FLT1: variants seen among roughly 807,000 people sequenced by gnomAD.
The protein encoded by FLT1 is fms related receptor tyrosine kinase 1.
Under a neutral mutation model 156.3 loss-of-function variants are expected in FLT1, and 49 were observed. The ratio of observed to expected loss-of-function variants is 0.31; its 90% CI spans 0.25 to 0.40. The LOEUF (loss-of-function observed/expected upper bound fraction) is 0.40. Ranked by LOEUF, FLT1 falls within the 10% of genes least tolerant of loss-of-function variation. FLT1 has a pLI of 1.00. For synonymous variants in FLT1, 594 were observed against 583.8 expected (o/e 1.02, Z -0.25); for missense variants, 1,322 against 1,637.2 (o/e 0.81, Z 3.32).
chr13:28,363,836 G>A (rs1000454322), intron 14 of FLT1, among the ~76,000 whole-genome samples: 6 of 152,140 alleles, frequency 3.9e-5, no homozygotes, highest in African/African-American at 1.4e-4. Context: ...TTGAACTCCT[G>A]ACCTCAAGCG....
At chr13:28,333,805 A>G (rs971716341) in intron 18 of FLT1, among the ~76,000 whole-genome samples, 9 of 152,306 alleles carry the variant, frequency 5.9e-5, no homozygotes, top group Admixed American at 5.9e-4. Flanking sequence ...TCATTTTCCT[A>G]TGGACAGTGC....
intron 14 of FLT1, among the ~76,000 whole-genome samples, chr13:28,374,702 AC>A (rs1873767901): frequency 6.6e-6 from 1 of 151,936 alleles, no homozygotes. Context: ...TTTAGTAGAG[AC>A]AGGGTTTCAC....
At chr13:28,409,925 T>G (rs1466024626) in intron 10 of FLT1, among the ~76,000 whole-genome samples, 1 of 152,032 alleles carries the variant, frequency 6.6e-6, no homozygotes. Context: ...GCTAAACATC[T>G]CTCATCTCAC....
chr13:28,342,352 T>G (rs1872371788), intron 16 of FLT1, among the ~76,000 whole-genome samples: 1 of 152,202 alleles, frequency 6.6e-6, no homozygotes, highest in Admixed American at 6.5e-5. Flanking sequence ...TTTTCTCCCC[T>G]TCTCCTCCTT....
chr13:28,386,953 A>T (rs1874402409), intron 13 of FLT1: 1 of 1,043,954 alleles, frequency 9.6e-7, no homozygotes, highest in South Asian at 4.6e-5. Context: ...TCGGTCTTGT[A>T]AAAAGGAAGT....
At chr13:28,429,949 C>T (rs536201938) in intron 8 of FLT1, 101 bp downstream of exon 8, 42 of 848,300 alleles carry the variant, frequency 5.0e-5, no homozygotes, top group South Asian at 4.4e-4. Flanking sequence ...GTCTGAGGAA[C>T]GTCTCTTGGT....
At chr13:28,347,133 A>C (rs541156630) in intron 15 of FLT1, among the ~76,000 whole-genome samples, 2 of 152,338 alleles carry the variant, frequency 1.3e-5, no homozygotes, top group Admixed American at 1.3e-4. Flanking sequence ...GTAATCTAAT[A>C]ATACTTTTTT....
chr13:28,457,933 C>CTTTCT (rs1184917237), intron 3 of FLT1, among the ~76,000 whole-genome samples: 7 of 114,176 alleles, frequency 6.1e-5, no homozygotes, highest in East Asian at 2.4e-4. Flanking sequence ...CTTTCCTTTT[C>CTTTCT]TTTTTTTTTT....
At chr13:28,367,501 G>A (rs1042720248) in intron 14 of FLT1, among the ~76,000 whole-genome samples, 2 of 152,162 alleles carry the variant, frequency 1.3e-5, no homozygotes, top group Admixed American at 6.5e-5. Context: ...ATTTTCAAGG[G>A]ACTCTGTAGA....
chr13:28,387,831 C>T lies in FLT1; in HGVS notation c.1969+1965G>A, dbSNP rs188173472. 71 of 966,938 alleles carry T rather than the reference C, an allele frequency of 7.3e-5. No individual in the cohort carries two copies. The East Asian group carries it at 1.1e-3, about 15-fold the overall frequency. 59.9% of individuals were successfully genotyped at this position (966,938 alleles called of 1,614,324 possible). A position where few individuals can be genotyped will look rare whatever the true frequency, so the allele number is the denominator to read the frequency against. ...TTTAAAAAAAAAAAAAAAGACTCTC[C>T]GGAAGGATTAATTACACAGTGAACA... On this transcript the variant is annotated intron_variant, in intron 13 of 29. Coordinates refer to ENST00000282397, the MANE Select transcript of FLT1 (RefSeq NM_002019.4).
intron 3 of FLT1, among the ~76,000 whole-genome samples, chr13:28,449,250 G>A (rs1343122054): frequency 1.3e-5 from 2 of 152,132 alleles, no homozygotes; most frequent in Non-Finnish European, 2.9e-5. Context: ...TGGCCTGGGC[G>A]ACAGAGCAAG....
At chr13:28,412,356 C>CTTTCTT (rs1566012976) in intron 10 of FLT1, among the ~76,000 whole-genome samples, 1 of 106,360 alleles carries the variant, frequency 9.4e-6, no homozygotes, top group Non-Finnish European at 2.0e-5. Flanking sequence ...CTTTCTCTTT[C>CTTTCTT]TTTCTTTCTT....
In FLT1 at chr13:28,309,830, C is replaced by T. The variant is rs377533961; in HGVS notation, c.3636-903G>A. On this transcript the variant is annotated intron_variant, in intron 27 of 29. Transcript: ENST00000282397. Reference sequence around the variant, plus strand: ...TCCATCACCACAAGTCTGGATTTGCCCACTGGGTTTCTTTGAGGCCTGTCA... The same window carrying T: ...TCCATCACCACAAGTCTGGATTTGCTCACTGGGTTTCTTTGAGGCCTGTCA... Among the ~76,000 whole-genome samples, 33 of 152,032 alleles carry T rather than the reference C, an allele frequency of 2.2e-4. No homozygotes were observed. The South Asian group carries it at 6.9e-3, about 32-fold the overall frequency.
chr13:28,473,831 A>AAGGAAGGAAGG (rs1566050975), intron 1 of FLT1, among the ~76,000 whole-genome samples: 1 of 115,170 alleles, frequency 8.7e-6, no homozygotes, highest in Non-Finnish European at 1.7e-5. Context: ...AGAAAGAAAG[A>AAGGAAGGAAGG]AAGAAAGGAA....
rs187193342 is a variant in FLT1 at position 28,362,644 on chromosome 13, C to T, written c.2117-4959G>A. 2.0e-5 allele frequency among the ~76,000 whole-genome samples: 3 copies of T among 152,230 alleles called. No homozygotes were observed. In the East Asian group the frequency reaches 5.8e-4, roughly 29 times the overall value. ...GACCAGCCTGGGCAACATAATGAGA[C>T]TCCATCTCCACTAAAACTTGGAAAA... is the stretch of plus-strand genomic sequence containing the variant. On this transcript the variant is annotated intron_variant, in intron 14 of 29. Coordinates refer to ENST00000282397, the MANE Select transcript of FLT1 (RefSeq NM_002019.4).
intron 10 of FLT1, among the ~76,000 whole-genome samples, chr13:28,408,338 G>A (rs1320235775): frequency 6.6e-6 from 1 of 152,166 alleles, no homozygotes; most frequent in African/African-American, 2.4e-5. Context: ...CAGTTACTAA[G>A]GGCACAAGCC....
At chr13:28,477,280 T>C (rs1286405456) in intron 1 of FLT1, among the ~76,000 whole-genome samples, 2 of 152,316 alleles carry the variant, frequency 1.3e-5, no homozygotes, top group African/African-American at 4.8e-5. Flanking sequence ...CAATGACCTA[T>C]AGCCATGCAC....
chr13:28,468,052 G>T (rs1879947996), intron 1 of FLT1, among the ~76,000 whole-genome samples: 1 of 152,084 alleles, frequency 6.6e-6, no homozygotes, highest in Admixed American at 6.6e-5. Context: ...AGTCCTATAG[G>T]CCTGTCTCAT....
chr13:28,457,819 A>C (rs1879345767), intron 3 of FLT1, among the ~76,000 whole-genome samples: 1 of 152,134 alleles, frequency 6.6e-6, no homozygotes, highest in Non-Finnish European at 1.5e-5. Context: ...AGTTTTGATC[A>C]ATTGTTTTTC....
Sources: allele counts gnomAD v4.1 joint callset (sites outside exome capture counted in the v4.1 genomes callset), GRCh38; gene constraint gnomAD v4.1.1; transcripts MANE v1.5; gene names NCBI Gene and HGNC (gene_info 2026-07-23, HGNC 2026-07-21).